The following DTNB variants were observed in gnomAD, a reference collection of about 807,000 sequenced individuals.
DTNB encodes the protein DTN-B.
DTNB carries 63 observed loss-of-function variants against 90.7 expected under a neutral mutation model. The ratio of observed to expected loss-of-function variants is 0.69; its 90% CI spans 0.57 to 0.86. DTNB has a LOEUF of 0.86. Ranked by LOEUF, DTNB falls within the 40% of genes least tolerant of loss-of-function variation. The pLI, the probability that DTNB is intolerant of heterozygous loss-of-function variation, is 0.00. For missense variants in DTNB, 744 were observed against 807.1 expected (o/e 0.92, Z 0.95); for synonymous variants, 277 against 286.7 (o/e 0.97, Z 0.34).
At chr2:25,668,002 G>T (rs760794335) in intron 1 of DTNB, among the ~76,000 whole-genome samples, 14 of 152,194 alleles carry the variant, frequency 9.2e-5, no homozygotes, top group Non-Finnish European at 1.5e-4. Context: ...CACTTTGGGA[G>T]GCCAAGGCAG....
chr2:25,607,749 AAAC>A (rs1465821587), intron 4 of DTNB, among the ~76,000 whole-genome samples: 3 of 152,200 alleles, frequency 2.0e-5, no homozygotes, highest in Non-Finnish European at 4.4e-5. Flanking sequence ...GTTACATACT[AAAC>A]AACAGGGTGC....
chr2:25,672,974 G>A (rs540746919), intron 1 of DTNB: 1 of 152,250 alleles, frequency 6.6e-6, no homozygotes, highest in Non-Finnish European at 1.5e-5. Flanking sequence ...CTCTGCCAGG[G>A]CCTGCCCGCC....
In DTNB at chr2:25,537,828, G is replaced by A. The variant is rs1022207153; in HGVS notation, c.877-6231C>T. Among the ~76,000 whole-genome samples, 7 of 152,282 alleles carry A rather than the reference G, an allele frequency of 4.6e-5. No individual in the cohort carries two copies. The East Asian group carries it at 7.7e-4, about 17-fold the overall frequency. ...AAATTTAAGGAAGCAAAGAGGGAGCGAGGACAGAAGAAGAACACTACAGGT... is the reference window on the plus strand; with the variant it reads ...AAATTTAAGGAAGCAAAGAGGGAGCAAGGACAGAAGAAGAACACTACAGGT... On this transcript the variant is annotated intron_variant, in intron 8 of 20. Coordinates refer to ENST00000406818, the MANE Select transcript of DTNB (RefSeq NM_021907.5).
chr2:25,380,088 A>G (rs535830569), intron 19 of DTNB, among the ~76,000 whole-genome samples: 1 of 152,286 alleles, frequency 6.6e-6, no homozygotes, highest in Admixed American at 6.5e-5. Context: ...GCAGGGGTGA[A>G]TATGGCAGGG....
intron 9 of DTNB, among the ~76,000 whole-genome samples, chr2:25,508,913 A>C (rs2073240972): frequency 6.6e-6 from 1 of 152,142 alleles, no homozygotes; most frequent in Non-Finnish European, 1.5e-5. Context: ...TTCCTACGTT[A>C]TGTTTCTCAA....
chr2:25,389,013 A>AT (rs1303727135), intron 16 of DTNB, among the ~76,000 whole-genome samples: 3 of 151,982 alleles, frequency 2.0e-5, no homozygotes, highest in Middle Eastern at 3.4e-3. Flanking sequence ...CGCTGGGCTA[A>AT]TTTTTTGTAT....
At chr2:25,406,531 G>A (rs1255120420) in intron 16 of DTNB, among the ~76,000 whole-genome samples, 5 of 141,516 alleles carry the variant, frequency 3.5e-5, no homozygotes, top group Non-Finnish European at 7.6e-5. Context: ...GTGAAACTCC[G>A]TCTCAAAAAA....
At chr2:25,439,031 C>G (rs2056706031) in intron 12 of DTNB, among the ~76,000 whole-genome samples, 1 of 152,144 alleles carries the variant, frequency 6.6e-6, no homozygotes, top group Non-Finnish European at 1.5e-5. Flanking sequence ...ACTGTCACAG[C>G]TAAGAGGAGC....
At chr2:25,598,043 T>C (rs1478708413) in intron 5 of DTNB, among the ~76,000 whole-genome samples, 1 of 152,240 alleles carries the variant, frequency 6.6e-6, no homozygotes, top group Non-Finnish European at 1.5e-5. Flanking sequence ...TGCAGTAATG[T>C]ACCAACTAAC....
At chr2:25,609,323 G>C (rs1378469542) in intron 4 of DTNB, among the ~76,000 whole-genome samples, 1 of 152,202 alleles carries the variant, frequency 6.6e-6, no homozygotes, top group Non-Finnish European at 1.5e-5. Context: ...GATGGGCCGG[G>C]TACAGTGGCT....
intron 6 of DTNB, among the ~76,000 whole-genome samples, chr2:25,589,371 T>C (rs1416966460): frequency 1.2e-4 from 9 of 76,882 alleles, no homozygotes; most frequent in Non-Finnish European, 2.0e-4. Context: ...TCTTTTCTTT[T>C]TTTTTTTTTT....
chr2:25,382,820 C>G (rs1292612201), intron 19 of DTNB, among the ~76,000 whole-genome samples: 1 of 152,086 alleles, frequency 6.6e-6, no homozygotes, highest in Non-Finnish European at 1.5e-5. Context: ...TGAGCCACCA[C>G]GTCTGGCCTA....
At chr2:25,384,113 G>A (rs1367997599) in intron 18 of DTNB, among the ~76,000 whole-genome samples, 2 of 152,364 alleles carry the variant, frequency 1.3e-5, no homozygotes, top group South Asian at 2.1e-4. Flanking sequence ...GGAGCAGTGC[G>A]GTCACATCGC....
intron 9 of DTNB, among the ~76,000 whole-genome samples, chr2:25,510,868 C>T (rs1468259618): frequency 6.6e-6 from 1 of 152,158 alleles, no homozygotes; most frequent in Admixed American, 6.5e-5. Context: ...GGAGCACCAC[C>T]CAAATAGAGA....
At chr2:25,430,794 T>C (rs1470973476) in intron 14 of DTNB, among the ~76,000 whole-genome samples, 1 of 152,214 alleles carries the variant, frequency 6.6e-6, no homozygotes, top group African/African-American at 2.4e-5. Context: ...AGTTCTCAAA[T>C]AGGATGTGGG....
chr2:25,502,656 G>A (rs1026436085), intron 9 of DTNB, among the ~76,000 whole-genome samples: 1 of 151,792 alleles, frequency 6.6e-6, no homozygotes, highest in African/African-American at 2.4e-5. Flanking sequence ...AGCCAAGGTG[G>A]GTGGATCATG....
chr2:25,595,058 T>C (rs1201645403), intron 6 of DTNB: 1 of 152,202 alleles, frequency 6.6e-6, no homozygotes, highest in East Asian at 1.9e-4. Context: ...ACTTTTGAAG[T>C]GTAAAGTTCA....
intron 12 of DTNB, among the ~76,000 whole-genome samples, chr2:25,444,534 CA>C (rs5829977): frequency 0.77 from 89,785 of 116,216 alleles, 33,786 homozygotes; most frequent in Non-Finnish European, 0.83. Context: ...GACTCCATCT[CA>C]AAAAAAAAAA....
chr2:25,648,352 A>C (rs909288361), intron 2 of DTNB, among the ~76,000 whole-genome samples: 9 of 152,232 alleles, frequency 5.9e-5, no homozygotes, highest in African/African-American at 2.2e-4. Flanking sequence ...TATTAAGCAA[A>C]GAAAGAATAA....
Sources: allele counts gnomAD v4.1 joint callset (sites outside exome capture counted in the v4.1 genomes callset), GRCh38; gene constraint gnomAD v4.1.1; transcripts MANE v1.5; gene names NCBI Gene and HGNC (gene_info 2026-07-23, HGNC 2026-07-21).